The following AASDH variants were observed in gnomAD, a reference collection of about 807,000 sequenced individuals.
AASDH encodes the protein beta-alanine-activating enzyme.
AASDH carries 81 observed loss-of-function variants against 102.3 expected under a neutral mutation model. The observed-to-expected ratio is 0.79, with a 90% CI of 0.66 to 0.95. AASDH has a LOEUF of 0.95. AASDH is among the 40% of genes least tolerant of loss of function. The probability of loss-of-function intolerance (pLI) is 0.00; values close to 1 mark genes in which losing one functional copy is unlikely to be tolerated. For synonymous variants in AASDH, 398 were observed against 454.0 expected (o/e 0.88, Z 1.57); for missense variants, 1,203 against 1,266.2 (o/e 0.95, Z 0.76).
intron 5 of AASDH, chr4:56,356,291 T>G: frequency 8.2e-7 from 1 of 1,219,984 alleles, no homozygotes; most frequent in Non-Finnish European, 1.2e-6. Flanking sequence ...CCTCACCAGC[T>G]TTGTGAAATA....
At chr4:56,352,010 C>T (rs2109884337) in intron 9 of AASDH, among the ~76,000 whole-genome samples, 1 of 151,582 alleles carries the variant, frequency 6.6e-6, no homozygotes, top group East Asian at 1.9e-4. Context: ...AGTTCCATTA[C>T]CTGAGCAATT....
chr4:56,338,397 TTTGA>T lies in AASDH; in HGVS notation c.*1_*4del, dbSNP rs750123666. 3.1e-6 allele frequency: 5 copies of T among 1,611,704 alleles called. No individual in the cohort carries two copies. The highest frequency in any genetic ancestry group is 2.7e-5 in the African/African-American group (2 of 74,838). The stretch of plus-strand genomic sequence containing the variant: ...ATTTGTTATACAAATAAGGACTGTA[TTTGA>T]TTATTTTTGATTGCCACCCAATAAA... On this transcript the variant is annotated 3_prime_UTR_variant, in exon 15 of 15. Transcript: ENST00000205214.
intron 3 of AASDH, chr4:56,381,715 C>A (rs1478446406): frequency 1.3e-5 from 2 of 148,942 alleles, no homozygotes; most frequent in Non-Finnish European, 3.0e-5. Flanking sequence ...ATTTAAGTTA[C>A]CCCAATACAA....
At chr4:56,386,798 T>A (rs1167318476) in intron 1 of AASDH, among the ~76,000 whole-genome samples, 1 of 6,196 alleles carries the variant, frequency 1.6e-4, no homozygotes, top group Non-Finnish European at 3.2e-4. Flanking sequence ...AGACTCCGTC[T>A]CAAAAAAAAA....
intron 2 of AASDH, among the ~76,000 whole-genome samples, chr4:56,383,010 T>C (rs917667077): frequency 1.3e-5 from 2 of 152,204 alleles, no homozygotes; most frequent in East Asian, 3.9e-4. Flanking sequence ...TGAGCCGAGA[T>C]CACGCCGTTG....
chr4:56,341,010 TAAC>T (rs1224708289), intron 14 of AASDH, among the ~76,000 whole-genome samples: 1 of 152,016 alleles, frequency 6.6e-6, no homozygotes, highest in African/African-American at 2.4e-5. Flanking sequence ...TAAAAGAACA[TAAC>T]AAATGCTGGC....
In AASDH at chr4:56,371,609, A is replaced by G. The variant is rs1751719073; in HGVS notation, c.703T>C (p.Phe235Leu). The change falls in exon 5 of 15, where the codon TTT (phenylalanine) becomes CTT (leucine). Residue 235 changes from phenylalanine (F) to leucine (L), a missense_variant. Physicochemically the swap from Phe to Leu is conservative, Grantham distance 22. Transcript: ENST00000205214. Reference protein sequence around the residue: ...LFDITQEDVLFLASPLTFDPS... With the variant: ...LFDITQEDVLLLASPLTFDPS... ...TCGAAGGTCAGAGGTGAAGCCAGAAACAAAACATCTTCTTGTGTGATGTCA... is the reference window on the plus strand; with the variant it reads ...TCGAAGGTCAGAGGTGAAGCCAGAAGCAAAACATCTTCTTGTGTGATGTCA... 6.2e-7 allele frequency: 1 copy of G among 1,608,862 alleles called. No individual in the cohort carries two copies. Among genetic ancestry groups the G allele is most frequent in the Non-Finnish European group, 8.5e-7 (1 of 1,179,040 alleles).
At position 56,338,493 on chromosome 4, in the gene AASDH, G is replaced by A. The variant is rs1395320216; in HGVS notation, c.3206C>T (p.Ser1069Phe). 1 of 1,614,008 alleles carries A rather than the reference G, an allele frequency of 6.2e-7. No homozygotes were observed. The highest frequency in any genetic ancestry group is 1.1e-5 in the South Asian group (1 of 91,000). ...CATTGATTCCAGGACCACAGGAGAA[G>A]AGAAGACTTCTCCAGGAAGTTCATA... ...SVYELPGEVF[S>F]SPVVLESMLI... Residue 1069 changes from serine to phenylalanine, a missense_variant, in exon 15 of 15, where the codon TCT becomes TTT. Physicochemically the swap from Ser to Phe is radical, Grantham distance 155 (BLOSUM62 -2). Transcript: ENST00000205214.
chr4:56,387,422 G>C lies in AASDH; in HGVS notation c.-103C>G, dbSNP rs1026567415. ...GGCCCTTTCCCGGATAGCTCGTCGC[G>C]GATACTTCTCACAGCGAAGCAGCAG... On this transcript the variant is annotated 5_prime_UTR_variant, in exon 1 of 15. Coordinates refer to ENST00000205214, the MANE Select transcript of AASDH (RefSeq NM_181806.4). 6.6e-6 allele frequency: 1 copy of C among 152,200 alleles called. No individual in the cohort carries two copies. The highest frequency in any genetic ancestry group is 2.4e-5 in the African/African-American group (1 of 41,446). 9.4% of individuals were successfully genotyped at this position (152,200 alleles called of 1,614,324 possible). A position where few individuals can be genotyped will look rare whatever the true frequency, so the allele number is the denominator to read the frequency against.
intron 14 of AASDH, 56 bp from the exon 15 acceptor site, chr4:56,338,847 C>CCTT (rs1747250372): frequency 6.6e-7 from 1 of 1,506,232 alleles, no homozygotes; most frequent in East Asian, 2.4e-5. Flanking sequence ...TCCAATTCTC[C>CCTT]CTTAAAGCTC....
chr4:56,352,951 C>T (rs1176806897), intron 9 of AASDH, among the ~76,000 whole-genome samples: 8 of 152,108 alleles, frequency 5.3e-5, no homozygotes, highest in Admixed American at 4.6e-4. Flanking sequence ...AGAACCATGA[C>T]TACTATACTA....
chr4:56,357,852 C>A (rs1749802528), intron 5 of AASDH, among the ~76,000 whole-genome samples: 3 of 151,542 alleles, frequency 2.0e-5, no homozygotes, highest in African/African-American at 7.3e-5. Flanking sequence ...TTCCATATAA[C>A]ATTTAGGATC....
chr4:56,361,376 T>TCCAGCCTGCGTGA (rs1338594322), intron 5 of AASDH, among the ~76,000 whole-genome samples: 1 of 151,968 alleles, frequency 6.6e-6, no homozygotes, highest in African/African-American at 2.4e-5. Context: ...ACCACTGCAC[T>TCCAGCCTGCGTGA]CCAGCCTGCG....
At chr4:56,358,219 T>C (rs1749847186) in intron 5 of AASDH, among the ~76,000 whole-genome samples, 1 of 152,020 alleles carries the variant, frequency 6.6e-6, no homozygotes. Context: ...GACTAAACTT[T>C]ATTATTTCTA....
intron 5 of AASDH, among the ~76,000 whole-genome samples, chr4:56,363,216 A>C (rs1307035254): frequency 1.3e-5 from 2 of 152,222 alleles, no homozygotes; most frequent in African/African-American, 4.8e-5. Flanking sequence ...AGGTAAACAA[A>C]GCAGCCAGGA....
intron 12 of AASDH, 62 bp from the exon 13 acceptor site, chr4:56,343,746 C>A: frequency 6.7e-7 from 1 of 1,490,174 alleles, no homozygotes; most frequent in Non-Finnish European, 9.1e-7. Context: ...ATATAACCTA[C>A]CCTTCATGAT....
chr4:56,361,261 T>C (rs991086034), intron 5 of AASDH, among the ~76,000 whole-genome samples: 21 of 151,836 alleles, frequency 1.4e-4, no homozygotes, highest in South Asian at 4.2e-4. Flanking sequence ...ATACAAAAAT[T>C]AGCAGGGTGT....
intron 5 of AASDH, among the ~76,000 whole-genome samples, chr4:56,370,360 A>AAG (rs965870435): frequency 2.0e-3 from 295 of 150,824 alleles, no homozygotes; most frequent in African/African-American, 6.7e-3. Flanking sequence ...TGTCAAAAGA[A>AAG]AGAGAGAGAG....
At chr4:56,338,872 T>C (rs1747254279) in intron 14 of AASDH, 81 bp from the exon 15 acceptor site, 14 of 1,372,804 alleles carry the variant, frequency 1.0e-5, no homozygotes, top group Non-Finnish European at 1.3e-5. Context: ...AGGTTCTTAA[T>C]GCAAATCTAA....
Sources: gnomAD v4.1 joint callset for allele counts (sites outside exome capture counted in the v4.1 genomes callset) on GRCh38, gnomAD v4.1.1 for gene constraint, MANE v1.5 for transcripts, NCBI Gene and HGNC (gene_info 2026-07-23, HGNC 2026-07-21) for gene names.